The following LAPTM5 variants were observed in gnomAD, a reference collection of about 807,000 sequenced individuals.
LAPTM5 encodes the protein lysosomal-associated transmembrane protein 5.
LAPTM5 carries 11 observed loss-of-function variants against 30.1 expected under a neutral mutation model. The observed-to-expected ratio is 0.37, with a 90% CI of 0.23 to 0.60. The LOEUF (loss-of-function observed/expected upper bound fraction) is 0.60. LAPTM5 is among the 20% of genes least tolerant of loss of function. The pLI is 0.71. For synonymous variants in LAPTM5, 151 were observed against 137.9 expected, an observed-to-expected ratio of 1.10 and a Z score of -0.67; for missense variants, 324 against 332.5, an observed-to-expected ratio of 0.97 and a Z score of 0.20.
chr1:30,733,972 C>T (rs1639852917), intron 7 of LAPTM5, 55 bp from the exon 8 acceptor site: 11 of 1,568,064 alleles, frequency 7.0e-6, no homozygotes, highest in Non-Finnish European at 9.5e-6. Flanking sequence ...CCTGCAATTC[C>T]AACCTGGGGT....
At position 30,757,645 on chromosome 1, in the gene LAPTM5, G is replaced by T. The variant is rs763644118; in HGVS notation, c.87+14C>A. The T allele has an allele frequency of 1.4e-5, 23 of 1,611,900 alleles. No homozygotes were observed. The East Asian group carries it at 4.9e-4, about 34-fold the overall frequency. On this transcript the variant is annotated intron_variant, in intron 1 of 7. Transcript: ENST00000294507. ...AAGCACGCACGCACACACACCCGGG[G>T]CCCGCACACTCACCACATGGTAGAT... is the stretch of plus-strand genomic sequence containing the variant.
intron 1 of LAPTM5, among the ~76,000 whole-genome samples, chr1:30,755,848 C>CG (rs1557470218): frequency 6.6e-6 from 1 of 152,200 alleles, no homozygotes; most frequent in Non-Finnish European, 1.5e-5. Flanking sequence ...ATCAGAAGAG[C>CG]GGCCACCAGG....
chr1:30,748,698 A>C (rs1386441313), intron 1 of LAPTM5, among the ~76,000 whole-genome samples: 1 of 152,176 alleles, frequency 6.6e-6, no homozygotes. Flanking sequence ...CGCACTCCGC[A>C]GCAGCCCGGC....
At chr1:30,737,504 G>A in intron 6 of LAPTM5, 100 bp downstream of exon 6, 1 of 766,220 alleles carries the variant, frequency 1.3e-6, no homozygotes, top group Non-Finnish European at 2.2e-6. Flanking sequence ...GAGGCATGGA[G>A]GACACATGTC....
intron 1 of LAPTM5, among the ~76,000 whole-genome samples, chr1:30,752,447 C>T (rs771385855): frequency 1.9e-4 from 29 of 152,184 alleles, no homozygotes; most frequent in Non-Finnish European, 3.4e-4. Flanking sequence ...GCTTGACAAA[C>T]CTGCTAGGTC....
intron 1 of LAPTM5, among the ~76,000 whole-genome samples, chr1:30,751,401 G>T (rs1640136535): frequency 6.6e-6 from 1 of 152,242 alleles, no homozygotes; most frequent in Non-Finnish European, 1.5e-5. Flanking sequence ...TTCCCCACCT[G>T]GCAGTTTGGA....
chr1:30,747,648 T>C (rs1189074928), intron 1 of LAPTM5, among the ~76,000 whole-genome samples: 2 of 152,052 alleles, frequency 1.3e-5, no homozygotes, highest in African/African-American at 2.4e-5. Flanking sequence ...TCCTGGTGGC[T>C]CTGAGGAGCA....
intron 1 of LAPTM5, among the ~76,000 whole-genome samples, chr1:30,744,737 A>ATG (rs1640019474): frequency 6.6e-6 from 1 of 152,018 alleles, no homozygotes; most frequent in African/African-American, 2.4e-5. Context: ...TGCTGTTCTG[A>ATG]TGCCTTCCCA....
chr1:30,736,855 C>T (rs1639891518), intron 6 of LAPTM5, among the ~76,000 whole-genome samples: 1 of 152,194 alleles, frequency 6.6e-6, no homozygotes, highest in Admixed American at 6.5e-5. Flanking sequence ...GGCCACAGGC[C>T]CCCATTGTGG....
chr1:30,752,932 G>T (rs575135797), intron 1 of LAPTM5, among the ~76,000 whole-genome samples: 1 of 151,888 alleles, frequency 6.6e-6, no homozygotes, highest in Non-Finnish European at 1.5e-5. Flanking sequence ...TCAGCCTCCC[G>T]CGTAGCTTGG....
At position 30,733,841 on chromosome 1, in the gene LAPTM5, T is replaced by C; in HGVS notation, c.776A>G (p.Tyr259Cys). The C allele has an allele frequency of 6.2e-7, 1 of 1,607,950 alleles. No homozygotes were observed. Among genetic ancestry groups the C allele is most frequent in the Non-Finnish European group, 8.5e-7 (1 of 1,178,542 alleles). ...TPEGGPAPPP[Y>C]SEV ...GCCTGGCGAGGGTCACACCTCTGAGTATGGGGGTGGTGCTGGGCCCCCCTC... is the reference window on the plus strand; with the variant it reads ...GCCTGGCGAGGGTCACACCTCTGAGCATGGGGGTGGTGCTGGGCCCCCCTC... Residue 259 changes from tyrosine (Y) to cysteine (C), a missense_variant, in exon 8 of 8, where the codon TAC (tyrosine) becomes TGC (cysteine). Coordinates refer to ENST00000294507, the MANE Select transcript of LAPTM5 (RefSeq NM_006762.3).
chr1:30,750,478 G>A (rs955743443), intron 1 of LAPTM5, among the ~76,000 whole-genome samples: 31 of 152,280 alleles, frequency 2.0e-4, no homozygotes, highest in African/African-American at 6.5e-4. Flanking sequence ...AGGGAGGGCC[G>A]ACTGACCATA....
At chr1:30,737,779 T>G in intron 5 of LAPTM5, 80 bp from the exon 6 acceptor site, 8 of 890,096 alleles carry the variant, frequency 9.0e-6, no homozygotes, top group African/African-American at 3.3e-5. Flanking sequence ...GGAATAATGA[T>G]CCCACCCTCC....
chr1:30,747,249 G>T (rs1425075730), intron 1 of LAPTM5, among the ~76,000 whole-genome samples: 1 of 152,212 alleles, frequency 6.6e-6, no homozygotes, highest in Non-Finnish European at 1.5e-5. Context: ...AAAGCCACAG[G>T]CCTGGTGGTG....
chr1:30,749,687 T>C (rs1273107647), intron 1 of LAPTM5, among the ~76,000 whole-genome samples: 1 of 152,086 alleles, frequency 6.6e-6, no homozygotes, highest in East Asian at 1.9e-4. Flanking sequence ...CAGGGCGGGC[T>C]TCTCAGAGGA....
At chr1:30,751,410 G>T (rs1640136780) in intron 1 of LAPTM5, among the ~76,000 whole-genome samples, 1 of 152,214 alleles carries the variant, frequency 6.6e-6, no homozygotes, top group Non-Finnish European at 1.5e-5. Flanking sequence ...TGGCAGTTTG[G>T]ACCCATTTTT....
Position 30,749,743 on chromosome 1 carries a change from T to A in LAPTM5, c.88-7194A>T, listed in dbSNP as rs374941421. 2.6e-5 allele frequency among the ~76,000 whole-genome samples: 4 copies of A among 152,046 alleles called. No individual in the cohort carries two copies. The South Asian group carries it at 8.3e-4, about 32-fold the overall frequency. ...CCCCGAAAGAGCAATGGAAAAAGTG[T>A]TCCAGGCAGAGGAAAGGGCATGAGC... is the stretch of plus-strand genomic sequence containing the variant. On this transcript the variant is annotated intron_variant, in intron 1 of 7. Coordinates refer to ENST00000294507, the MANE Select transcript of LAPTM5 (RefSeq NM_006762.3).
chr1:30,737,277 T>C (rs1639898713), intron 6 of LAPTM5, among the ~76,000 whole-genome samples: 1 of 152,136 alleles, frequency 6.6e-6, no homozygotes, highest in African/African-American at 2.4e-5. Flanking sequence ...CAGAGAGAAG[T>C]GACTTGCTGA....
At position 30,746,882 on chromosome 1, in the gene LAPTM5, C is replaced by G. The variant is rs1323890921; in HGVS notation, c.88-4333G>C. The stretch of plus-strand genomic sequence containing the variant: ...CGCGGAGCCGGGCACACAGCAGGTG[C>G]ACCATAAACAAGCACAATTGGGTGG... On this transcript the variant is annotated intron_variant, in intron 1 of 7. Transcript: ENST00000294507. This position sits in a 1 kb window ranked among gnomAD's most constrained non-coding sequence, Gnocchi z 4.0. 6.6e-6 allele frequency among the ~76,000 whole-genome samples: 1 copy of G among 152,222 alleles called. No individual in the cohort carries two copies. Among genetic ancestry groups the G allele is most frequent in the African/African-American group, 2.4e-5 (1 of 41,464 alleles).
Sources: allele counts gnomAD v4.1 joint callset (sites outside exome capture counted in the v4.1 genomes callset), GRCh38; gene constraint gnomAD v4.1.1; non-coding constraint Gnocchi (gnomAD v3.1); transcripts MANE v1.5; gene names NCBI Gene and HGNC (gene_info 2026-07-23, HGNC 2026-07-21).